NEK4: variants seen among roughly 807,000 people sequenced by gnomAD.
The protein encoded by NEK4 is serine/threonine-protein kinase Nek4.
Under a neutral mutation model 98.4 loss-of-function variants are expected in NEK4, and 86 were observed. The observed-to-expected ratio is 0.87, with a 90% CI of 0.73 to 1.05. The LOEUF is 1.05. Ranked by LOEUF, NEK4 falls within the 50% of genes least tolerant of loss-of-function variation. NEK4 has a pLI of 0.00. For missense variants in NEK4, 898 were observed against 950.3 expected (o/e 0.94, Z 0.72); for synonymous variants, 328 against 342.2 (o/e 0.96, Z 0.46).
intron 10 of NEK4, among the ~76,000 whole-genome samples, chr3:52,745,198 C>G (rs1483268931): frequency 3.3e-5 from 5 of 151,906 alleles, no homozygotes; most frequent in African/African-American, 1.2e-4. Flanking sequence ...GGATTACAGG[C>G]GTGAGCCACC....
intron 11 of NEK4, 115 bp from the exon 12 acceptor site, chr3:52,743,576 C>G (rs1457680165): frequency 2.8e-6 from 2 of 716,688 alleles, no homozygotes; most frequent in Non-Finnish European, 4.8e-6. Context: ...GTAAGTCAAA[C>G]AGCATATTTA....
chr3:52,742,092 C>T (rs1177113061), intron 12 of NEK4, among the ~76,000 whole-genome samples: 1 of 152,120 alleles, frequency 6.6e-6, no homozygotes, highest in Non-Finnish European at 1.5e-5. Flanking sequence ...TGAAGTTTTA[C>T]AAAGGTCCTG....
Position 52,737,667 on chromosome 3 carries a change from A to G in NEK4, c.2352T>C (p.Thr784=), listed in dbSNP as rs990826504. The change falls in exon 15 of 16, where the codon ACT becomes ACC. Residue 784 remains threonine (T), a synonymous_variant. Coordinates refer to ENST00000233027, the MANE Select transcript of NEK4 (RefSeq NM_003157.6). ...GAACTCCCAGGCCACGAATTACATC[A>G]GTTCTCAAGACTTCAACTAGTCTCC... ...KIRRLVEVLR[T]DVIRGLGVQL... is the part of the protein sequence containing the mutation. 7 of 1,613,816 alleles carry G rather than the reference A, an allele frequency of 4.3e-6. No homozygotes were observed. In the African/African-American group the frequency reaches 6.7e-5, roughly 15 times the overall value.
intron 14 of NEK4, among the ~76,000 whole-genome samples, chr3:52,738,679 G>A (rs1479408089): frequency 6.6e-6 from 1 of 151,908 alleles, no homozygotes; most frequent in Non-Finnish European, 1.5e-5. Context: ...TCAAACTCTT[G>A]GACTCAAGCA....
intron 15 of NEK4, among the ~76,000 whole-genome samples, chr3:52,718,397 C>T (rs989609801): frequency 2.0e-5 from 3 of 148,242 alleles, no homozygotes; most frequent in Non-Finnish European, 4.5e-5. Context: ...CGCTTGAACC[C>T]GGGAGGTGGA....
chr3:52,715,335 C>G (rs191417724), intron 15 of NEK4, among the ~76,000 whole-genome samples: 1 of 152,200 alleles, frequency 6.6e-6, no homozygotes, highest in South Asian at 2.1e-4. Flanking sequence ...AAATACTCCA[C>G]GAGACACCCT....
At chr3:52,769,424 G>C (rs1028224725) in intron 1 of NEK4, among the ~76,000 whole-genome samples, 1 of 152,086 alleles carries the variant, frequency 6.6e-6, no homozygotes, top group African/African-American at 2.4e-5. Context: ...GAAATCAATA[G>C]CCTCTAATAC....
In NEK4 at chr3:52,746,732, A is replaced by C. The variant is rs1675467839; in HGVS notation, c.1677+2T>G. 2 of 1,596,726 alleles carry C rather than the reference A, an allele frequency of 1.3e-6. No homozygotes were observed. The highest frequency in any genetic ancestry group is 1.7e-6 in the Non-Finnish European group (2 of 1,171,210). ...CTCCCAAACCAAAGCAAAATGACTT[A>C]CAGCAAAGAGATCTCTGCGGACCTG... On this transcript the variant is annotated splice_donor_variant, in intron 9 of 15. Transcript: ENST00000233027. LOFTEE classifies it high-confidence loss of function.
At chr3:52,758,668 T>C (rs1424538426) in intron 6 of NEK4, among the ~76,000 whole-genome samples, 5 of 151,722 alleles carry the variant, frequency 3.3e-5, no homozygotes, top group Non-Finnish European at 7.4e-5. Context: ...AAAAAAAATT[T>C]TAACTAAAAA....
At chr3:52,754,019 C>T in intron 6 of NEK4, 1 of 261,454 alleles carries the variant, frequency 3.8e-6, no homozygotes, top group Middle Eastern at 1.4e-3. Context: ...TAACAATTTG[C>T]TGGTGTGGTG....
At chr3:52,746,376 A>C (rs945391366) in intron 9 of NEK4, among the ~76,000 whole-genome samples, 166 bp from the exon 10 acceptor site, 9 of 152,188 alleles carry the variant, frequency 5.9e-5, no homozygotes, top group Non-Finnish European at 1.0e-4. Flanking sequence ...TAAGAAGGTT[A>C]TGGAGAGGAT....
chr3:52,744,683 C>CAAAA (rs567707729), intron 10 of NEK4, among the ~76,000 whole-genome samples: 1 of 81,160 alleles, frequency 1.2e-5, no homozygotes. Context: ...GACTCCATCT[C>CAAAA]AAAAAAAAAA....
At chr3:52,754,412 G>C (rs958206459) in intron 6 of NEK4, 1 of 506,302 alleles carries the variant, frequency 2.0e-6, no homozygotes, top group Non-Finnish European at 4.0e-6. Context: ...AAACCCAGAG[G>C]CTGCAATACT....
chr3:52,735,594 A>G (rs1449808564), intron 15 of NEK4, among the ~76,000 whole-genome samples: 1 of 152,226 alleles, frequency 6.6e-6, no homozygotes, highest in Non-Finnish European at 1.5e-5. Context: ...GATCCAATGT[A>G]TGAGATCTGC....
chr3:52,716,521 T>C (rs1180740058), intron 15 of NEK4, among the ~76,000 whole-genome samples: 1 of 152,184 alleles, frequency 6.6e-6, no homozygotes, highest in African/African-American at 2.4e-5. Flanking sequence ...TTATTCTATC[T>C]CCCTGTCCCC....
At position 52,758,314 on chromosome 3, in the gene NEK4, A is replaced by C. The variant is rs1698213943; in HGVS notation, c.963+2481T>G. ...CAGTTTTACAATATGAGAGTTATGA[A>C]GATGAGGGGTGATGGCTGCATAACA... On this transcript the variant is annotated intron_variant, in intron 6 of 15. Transcript: ENST00000233027. Among the ~76,000 whole-genome samples the C allele has an allele frequency of 1.3e-5, 2 of 152,128 alleles. 1 individual carries two copies.
chr3:52,732,073 A>C (rs1241885572), intron 15 of NEK4, among the ~76,000 whole-genome samples: 2 of 152,226 alleles, frequency 1.3e-5, no homozygotes, highest in Non-Finnish European at 2.9e-5. Flanking sequence ...TGAGTCAATT[A>C]ATCCTCTTTT....
chr3:52,770,655 T>G lies in NEK4; in HGVS notation c.92A>C (p.Gln31Pro). 1 of 1,411,896 alleles carries G rather than the reference T, an allele frequency of 7.1e-7. No individual in the cohort carries two copies. The highest frequency in any genetic ancestry group is 9.7e-7 in the Non-Finnish European group (1 of 1,028,692). 87.5% of individuals were successfully genotyped at this position (1,411,896 alleles called of 1,614,324 possible). Residue 31 changes from glutamine (Q) to proline (P), a missense_variant and splice_region_variant, in exon 1 of 16, where the codon CAG becomes CCG. Gln to Pro is a moderately conservative substitution (Grantham distance 76). Coordinates refer to ENST00000233027, the MANE Select transcript of NEK4 (RefSeq NM_003157.6). ...TLVKHRRDGK[Q>P]YVIKKLNLRN... ...TTGCCGGGCCCCACCCCTGCAGACCTGCTTGCCGTCCCGCCGGTGCTTCAC... is the reference window on the plus strand; with the variant it reads ...TTGCCGGGCCCCACCCCTGCAGACCGGCTTGCCGTCCCGCCGGTGCTTCAC...
chr3:52,753,676 G>A (rs2097409506), intron 6 of NEK4: 1 of 583,136 alleles, frequency 1.7e-6, no homozygotes, highest in Non-Finnish European at 3.4e-6. Context: ...CCATAACTAA[G>A]CCTACGGAGC....
Sources: allele counts gnomAD v4.1 joint callset (sites outside exome capture counted in the v4.1 genomes callset), GRCh38; gene constraint gnomAD v4.1.1; transcripts MANE v1.5; gene names NCBI Gene and HGNC (gene_info 2026-07-23, HGNC 2026-07-21).